SEMA6A: variants seen among roughly 807,000 people sequenced by gnomAD.
SEMA6A encodes the protein semaphorin-6A.
SEMA6A carries 25 observed loss-of-function variants against 96.8 expected under a neutral mutation model. That is an observed-to-expected ratio of 0.26 (90% CI 0.19 to 0.36). The LOEUF (loss-of-function observed/expected upper bound fraction) is 0.36. Ranked by LOEUF, SEMA6A falls within the 10% of genes least tolerant of loss-of-function variation. The probability of loss-of-function intolerance (pLI) is 1.00; values close to 1 mark genes in which losing one functional copy is unlikely to be tolerated. For synonymous variants in SEMA6A, 612 were observed against 518.0 expected (o/e 1.18, Z -2.46); for missense variants, 1,363 against 1,323.1 (o/e 1.03, Z -0.47).
intron 17 of SEMA6A, 112 bp from the exon 18 acceptor site, chr5:116,467,859 T>G: frequency 7.8e-6 from 8 of 1,020,004 alleles, no homozygotes; most frequent in Non-Finnish European, 8.4e-6. Flanking sequence ...TGAGAGGAGA[T>G]GGCCCTAGAA....
In SEMA6A at chr5:116,533,193, T is replaced by C. The variant is rs190881258; in HGVS notation, c.-38-28211A>G. 7.6e-4 allele frequency among the ~76,000 whole-genome samples: 116 copies of C among 152,276 alleles called. 1 individual carries two copies. Among genetic ancestry groups the C allele is most frequent in the Non-Finnish European group, 1.2e-3 (85 of 68,004 alleles). On this transcript the variant is annotated intron_variant, in intron 1 of 18. Coordinates refer to ENST00000343348, the MANE Select transcript of SEMA6A (RefSeq NM_020796.5). ...TGCTCTGTACAACTAAATACACACA[T>C]GTGCCCTGGAACCCTCTGAATGGGC... is the stretch of plus-strand genomic sequence containing the variant.
intron 1 of SEMA6A, among the ~76,000 whole-genome samples, chr5:116,521,442 C>T (rs540308583): frequency 7.2e-5 from 11 of 152,258 alleles, no homozygotes; most frequent in South Asian, 2.1e-4. Context: ...TGAGGGGTAA[C>T]GGGGCTGTGC....
chr5:116,446,844 G>T lies in SEMA6A; in HGVS notation c.2862C>A (p.Gly954=). The T allele has an allele frequency of 6.2e-7, 1 of 1,613,958 alleles. No homozygotes were observed. Among genetic ancestry groups the T allele is most frequent in the East Asian group, 2.2e-5 (1 of 44,868 alleles). ...GGGCGGGCGGCGGGTTGTCTCCCCT[G>T]CCAAAGCTCTGGTTTCTGGAGAGGT... ...SSHLSRNQSF[G]RGDNPPPAPQ... is the part of the protein sequence containing the mutation. Residue 954 remains glycine (G), a synonymous_variant, in exon 19 of 19, where the codon GGC becomes GGA. Transcript: ENST00000343348.
chr5:116,572,611 C>A (rs961813188), intron 1 of SEMA6A, among the ~76,000 whole-genome samples: 1 of 152,230 alleles, frequency 6.6e-6, no homozygotes, highest in African/African-American at 2.4e-5. Context: ...CACTGAGCCC[C>A]GGCCTGTGTC....
chr5:116,464,685 G>C (rs1441759610), intron 18 of SEMA6A, among the ~76,000 whole-genome samples: 1 of 152,148 alleles, frequency 6.6e-6, no homozygotes, highest in African/African-American at 2.4e-5. Flanking sequence ...TGCAAGGTGA[G>C]GAAGGGTGTT....
chr5:116,490,100 G>A (rs1040089624), intron 7 of SEMA6A, among the ~76,000 whole-genome samples: 4 of 151,944 alleles, frequency 2.6e-5, no homozygotes, highest in Admixed American at 6.6e-5. Flanking sequence ...CAAAGATCTC[G>A]ATGTCTGTCT....
intron 1 of SEMA6A, among the ~76,000 whole-genome samples, chr5:116,526,643 G>T (rs1759241054): frequency 6.6e-6 from 1 of 152,020 alleles, no homozygotes; most frequent in South Asian, 2.1e-4. Flanking sequence ...TTTTCCAAGG[G>T]GCTTATATTA....
chr5:116,494,440 G>A (rs561436637), intron 6 of SEMA6A, among the ~76,000 whole-genome samples: 2 of 152,294 alleles, frequency 1.3e-5, no homozygotes, highest in South Asian at 2.1e-4. Context: ...TGCCCTTGTA[G>A]AGCCTGTGTT....
intron 16 of SEMA6A, among the ~76,000 whole-genome samples, chr5:116,474,587 T>A (rs903501092): frequency 2.6e-5 from 4 of 152,220 alleles, no homozygotes; most frequent in African/African-American, 9.6e-5. Context: ...TTTATTTGAT[T>A]ATAACTAATC....
At chr5:116,478,299 C>G in intron 13 of SEMA6A, 145 bp from the exon 14 acceptor site, 3 of 892,636 alleles carry the variant, frequency 3.4e-6, no homozygotes, top group Non-Finnish European at 5.1e-6. Flanking sequence ...CTTGCACACA[C>G]GTAAACACAC....
chr5:116,473,184 A>C (rs1756256905), intron 16 of SEMA6A, 91 bp from the exon 17 acceptor site: 1 of 1,225,290 alleles, frequency 8.2e-7, no homozygotes. Context: ...ACACAGAACT[A>C]TGCCAGCGTA....
chr5:116,511,247 ATGTAAATCATTGTTTCACTGTAT>A (rs1758388441), intron 1 of SEMA6A, among the ~76,000 whole-genome samples: 1 of 152,222 alleles, frequency 6.6e-6, no homozygotes, highest in Non-Finnish European at 1.5e-5. Flanking sequence ...TGTAAATGCT[ATGTAAATCATTGTTTCACTGTAT>A]TGCTTAGGGA....
At chr5:116,489,145 G>T (rs1206581628) in intron 7 of SEMA6A, 138 bp from the exon 8 acceptor site, 3 of 991,978 alleles carry the variant, frequency 3.0e-6, no homozygotes, top group Admixed American at 3.2e-5. Flanking sequence ...AAGAGTCGCT[G>T]GGAAAACTCT....
At chr5:116,525,001 G>A (rs956775709) in intron 1 of SEMA6A, among the ~76,000 whole-genome samples, 1 of 152,102 alleles carries the variant, frequency 6.6e-6, no homozygotes, top group Non-Finnish European at 1.5e-5. Flanking sequence ...TATTTATTTT[G>A]CATGTCTGCC....
At chr5:116,570,482 A>C (rs1271364117) in intron 1 of SEMA6A, among the ~76,000 whole-genome samples, 1 of 152,244 alleles carries the variant, frequency 6.6e-6, no homozygotes, top group Non-Finnish European at 1.5e-5. Flanking sequence ...CTAGGAGGAC[A>C]GAAAATTGTC....
chr5:116,553,936 A>G (rs1760512473), intron 1 of SEMA6A, among the ~76,000 whole-genome samples: 1 of 152,188 alleles, frequency 6.6e-6, no homozygotes, highest in South Asian at 2.1e-4. Context: ...CTGGGTTAAT[A>G]CCAATTGTGT....
chr5:116,496,952 C>G (rs1757632528), intron 4 of SEMA6A, among the ~76,000 whole-genome samples: 1 of 152,146 alleles, frequency 6.6e-6, no homozygotes, highest in Non-Finnish European at 1.5e-5. Context: ...TCAAATCAAA[C>G]TTAATACTGC....
chr5:116,548,054 G>A (rs1394154802), intron 1 of SEMA6A, among the ~76,000 whole-genome samples: 1 of 152,206 alleles, frequency 6.6e-6, no homozygotes, highest in African/African-American at 2.4e-5. Flanking sequence ...AAACAGGGAT[G>A]TCTGGCAGCC....
At chr5:116,521,304 C>A (rs577714928) in intron 1 of SEMA6A, among the ~76,000 whole-genome samples, 1 of 152,314 alleles carries the variant, frequency 6.6e-6, no homozygotes, top group East Asian at 1.9e-4. Context: ...GACACACAGA[C>A]CCCAGGAGAT....
Sources: gnomAD v4.1 joint callset for allele counts (sites outside exome capture counted in the v4.1 genomes callset) on GRCh38, gnomAD v4.1.1 for gene constraint, MANE v1.5 for transcripts, NCBI Gene and HGNC (gene_info 2026-07-23, HGNC 2026-07-21) for gene names.